The following RNLS variants were observed in gnomAD, a reference collection of about 807,000 sequenced individuals.
RNLS encodes renalase.
A neutral mutation model predicts 39.8 loss-of-function variants in RNLS; 39 were observed. That is an observed-to-expected ratio of 0.98 (90% CI 0.76 to 1.28). RNLS has a LOEUF of 1.28. Among genes scored for constraint, RNLS ranks in the 50% most tolerant of loss-of-function variants. The pLI is 0.00. For missense variants in RNLS, 410 were observed against 413.3 expected, an observed-to-expected ratio of 0.99 and a Z score of 0.07; for synonymous variants, 147 against 150.7, an observed-to-expected ratio of 0.98 and a Z score of 0.18.
Position 88,284,771 on chromosome 10 carries a change from G to C in RNLS, c.*583C>G. On this transcript the variant is annotated 3_prime_UTR_variant, in exon 7 of 7. Coordinates refer to ENST00000331772, the MANE Select transcript of RNLS (RefSeq NM_001031709.3). ...ATACTTTCTGAAAATCTGAAGGAAG[G>C]TCTCTTTATCAGTCAAGTTGCCCTC... is the stretch of plus-strand genomic sequence containing the variant. 7 of 985,336 alleles carry C rather than the reference G, an allele frequency of 7.1e-6. No homozygotes were observed. The highest frequency in any genetic ancestry group is 8.4e-6 in the Non-Finnish European group (7 of 829,906). The allele number at this position is 985,336 out of a possible 1,614,324, so 61.0% of individuals were successfully genotyped here. A position where few individuals can be genotyped will look rare whatever the true frequency, so the allele number is the denominator to read the frequency against.
intron 5 of RNLS, among the ~76,000 whole-genome samples, chr10:88,340,117 A>G (rs1030980035): frequency 7.9e-5 from 12 of 152,254 alleles, no homozygotes; most frequent in African/African-American, 2.9e-4. Context: ...AGACCTTTAC[A>G]GAGGAAGCAA....
intron 6 of RNLS, among the ~76,000 whole-genome samples, chr10:88,278,044 T>G (rs1383679413): frequency 6.6e-6 from 1 of 152,184 alleles, no homozygotes; most frequent in Non-Finnish European, 1.5e-5. Context: ...TTAGTATGAA[T>G]AGTTAAAATG....
chr10:88,478,567 G>A, intron 4 of RNLS, among the ~76,000 whole-genome samples: 1 of 152,066 alleles, frequency 6.6e-6, no homozygotes, highest in Non-Finnish European at 1.5e-5. Context: ...AAGCATGCCT[G>A]GGCAGGTTGG....
At chr10:88,452,355 C>G (rs1327337225) in intron 4 of RNLS, among the ~76,000 whole-genome samples, 1 of 152,180 alleles carries the variant, frequency 6.6e-6, no homozygotes, top group Non-Finnish European at 1.5e-5. Flanking sequence ...TAAATGGGAT[C>G]CATTACTATA....
chr10:88,582,972 T>C (rs778939526), intron 1 of RNLS, 101 bp downstream of exon 1: 25 of 1,354,664 alleles, frequency 1.8e-5, no homozygotes, highest in Non-Finnish European at 2.5e-5. Context: ...GCTGAGGGTA[T>C]AGCGTTTTCG....
At chr10:88,323,744 A>C (rs1056977814) in intron 5 of RNLS, among the ~76,000 whole-genome samples, 1 of 152,198 alleles carries the variant, frequency 6.6e-6, no homozygotes, top group South Asian at 2.1e-4. Context: ...AAAAACAAAA[A>C]CAGACAAATG....
chr10:88,203,270 A>G, the RNLS span, among the ~76,000 whole-genome samples: 37 of 5,610 alleles, frequency 6.6e-3, 8 homozygotes, highest in South Asian at 0.015. Context: ...GTGTGTATGT[A>G]TATATATATA....
chr10:88,534,361 C>T (rs1847621598), intron 4 of RNLS, among the ~76,000 whole-genome samples: 1 of 152,110 alleles, frequency 6.6e-6, no homozygotes, highest in Non-Finnish European at 1.5e-5. Context: ...TGAACATCCT[C>T]ACCTTTTAAA....
intron 5 of RNLS, among the ~76,000 whole-genome samples, chr10:88,359,219 G>A (rs1411999874): frequency 6.6e-6 from 1 of 152,046 alleles, no homozygotes; most frequent in Admixed American, 6.6e-5. Context: ...GGGAGCCTGA[G>A]GCAGGAGAAT....
the RNLS span, among the ~76,000 whole-genome samples, chr10:88,247,848 A>G: frequency 7.2e-5 from 11 of 152,344 alleles, no homozygotes; most frequent in East Asian, 2.1e-3. Flanking sequence ...GTGATGAGAT[A>G]TGAGAAAGAC....
At chr10:88,240,268 A>G in the RNLS span, among the ~76,000 whole-genome samples, 7 of 152,206 alleles carry the variant, frequency 4.6e-5, no homozygotes, top group Non-Finnish European at 1.0e-4. Context: ...AACTGCTGGC[A>G]GCTTTGGGCT....
At chr10:88,409,902 C>T (rs1853550861) in intron 4 of RNLS, among the ~76,000 whole-genome samples, 1 of 151,936 alleles carries the variant, frequency 6.6e-6, no homozygotes, top group South Asian at 2.1e-4. Flanking sequence ...TATTAAAGGT[C>T]AGGAAACTTT....
chr10:88,554,310 G>A (rs74147222), intron 4 of RNLS, among the ~76,000 whole-genome samples: 3,705 of 152,102 alleles, frequency 0.024, 138 homozygotes, highest in South Asian at 0.076. Context: ...TGTATGCAGC[G>A]TAAATAGCAT....
chr10:88,315,055 C>A (rs1045075798), intron 5 of RNLS, among the ~76,000 whole-genome samples: 1 of 151,992 alleles, frequency 6.6e-6, no homozygotes, highest in Non-Finnish European at 1.5e-5. Flanking sequence ...TCAATAAATA[C>A]CTGTCTCATT....
the RNLS span, among the ~76,000 whole-genome samples, chr10:88,202,758 C>A: frequency 4.6e-5 from 7 of 152,218 alleles, no homozygotes; most frequent in Non-Finnish European, 4.4e-5. Context: ...TTATTTGCCT[C>A]TTGACGGGGC....
At chr10:88,458,935 G>A (rs374485507) in intron 4 of RNLS, among the ~76,000 whole-genome samples, 1 of 152,006 alleles carries the variant, frequency 6.6e-6, no homozygotes. Flanking sequence ...AAGTGGAAAA[G>A]GAAGAAAGGA....
intron 4 of RNLS, among the ~76,000 whole-genome samples, chr10:88,381,402 T>C (rs1341980895): frequency 7.5e-6 from 1 of 132,828 alleles, no homozygotes; most frequent in Non-Finnish European, 1.6e-5. Flanking sequence ...TGTGGATAGT[T>C]TTTTAAAAAT....
At chr10:88,240,197 T>C in the RNLS span, among the ~76,000 whole-genome samples, 1 of 152,216 alleles carries the variant, frequency 6.6e-6, no homozygotes, top group Non-Finnish European at 1.5e-5. Context: ...TGTTTTTTCT[T>C]ACCTTCTGTG....
intron 4 of RNLS, among the ~76,000 whole-genome samples, chr10:88,475,929 T>G (rs1589858182): frequency 2.0e-5 from 3 of 152,210 alleles, no homozygotes; most frequent in African/African-American, 7.2e-5. Flanking sequence ...AACTGAAAAG[T>G]TAAAAATAGC....
Sources: allele counts gnomAD v4.1 joint callset (sites outside exome capture counted in the v4.1 genomes callset), GRCh38; gene constraint gnomAD v4.1.1; transcripts MANE v1.5; gene names NCBI Gene and HGNC (gene_info 2026-07-23, HGNC 2026-07-21).